Variants in ZCWPW1 observed in about 807,000 individuals in gnomAD.
The protein encoded by ZCWPW1 is zinc finger CW-type PWWP domain protein 1.
A neutral mutation model predicts 81.3 loss-of-function variants in ZCWPW1; 56 were observed. That is an observed-to-expected ratio of 0.69 (90% CI 0.56 to 0.86). The LOEUF is 0.86. Ranked by LOEUF, ZCWPW1 falls within the 40% of genes least tolerant of loss-of-function variation. The pLI is 0.00. For missense variants in ZCWPW1, 650 were observed against 769.8 expected, an observed-to-expected ratio of 0.84 and a Z score of 1.84; for synonymous variants, 250 against 273.7, an observed-to-expected ratio of 0.91 and a Z score of 0.86.
intron 2 of ZCWPW1, among the ~76,000 whole-genome samples, chr7:100,424,386 A>T (rs1350140828): frequency 2.0e-5 from 3 of 152,168 alleles, no homozygotes; most frequent in Non-Finnish European, 2.9e-5. Flanking sequence ...GAGTGAAAGG[A>T]AGCTTTTGGT....
intron 8 of ZCWPW1, among the ~76,000 whole-genome samples, chr7:100,412,706 C>T (rs778781950): frequency 6.0e-4 from 91 of 152,030 alleles, no homozygotes; most frequent in Non-Finnish European, 7.6e-4. Context: ...CTCAGCCTCC[C>T]GAATAGCTGG....
At chr7:100,423,056 C>T (rs1286105074) in intron 2 of ZCWPW1, among the ~76,000 whole-genome samples, 2 of 152,076 alleles carry the variant, frequency 1.3e-5, no homozygotes, top group African/African-American at 2.4e-5. Flanking sequence ...CTTTTATAAC[C>T]ATTATAAAAA....
Position 100,402,568 on chromosome 7 carries a change from A to C in ZCWPW1, c.1422T>G (p.Ile474Met). The C allele has an allele frequency of 3.1e-6, 5 of 1,614,066 alleles. No homozygotes were observed. Among genetic ancestry groups the C allele is most frequent in the Non-Finnish European group, 4.2e-6 (5 of 1,179,994 alleles). Residue 474 changes from isoleucine to methionine, a missense_variant, in exon 16 of 18, where the codon ATT becomes ATG. Coordinates refer to ENST00000684423, the MANE Select transcript of ZCWPW1 (RefSeq NM_001386010.1). ...TTTTGACTCGCTTACGAATGGGCAAAATTGGGTCCTGAGGATGGGAGAGAA... is the reference window on the plus strand; with the variant it reads ...TTTTGACTCGCTTACGAATGGGCAACATTGGGTCCTGAGGATGGGAGAGAA... ...EKEEGEKTDP[I>M]LPIRKRVKIQ... is the part of the protein sequence containing the mutation.
intron 10 of ZCWPW1, 23 bp downstream of exon 10, chr7:100,408,516 C>T: frequency 6.2e-7 from 1 of 1,607,686 alleles, no homozygotes; most frequent in Non-Finnish European, 8.5e-7. Context: ...GAAGGATGCT[C>T]TGACTGTGTC....
At chr7:100,406,573 G>T in intron 12 of ZCWPW1, 121 bp downstream of exon 12, 1 of 915,452 alleles carries the variant, frequency 1.1e-6, no homozygotes, top group Non-Finnish European at 1.7e-6. Flanking sequence ...CCTCACCCTT[G>T]GCACACCTGG....
chr7:100,407,604 A>G (rs1793309629), intron 10 of ZCWPW1, among the ~76,000 whole-genome samples: 2 of 152,018 alleles, frequency 1.3e-5, no homozygotes, highest in Admixed American at 1.3e-4. Context: ...TATAGCCAGG[A>G]CTGATCTCAA....
intron 2 of ZCWPW1, among the ~76,000 whole-genome samples, chr7:100,422,864 A>G (rs549842223): frequency 6.6e-6 from 1 of 152,358 alleles, no homozygotes; most frequent in Non-Finnish European, 1.5e-5. Flanking sequence ...TAATTCACTT[A>G]GGATAACGGC....
At chr7:100,403,547 G>A in intron 15 of ZCWPW1, 147 bp downstream of exon 15, 1 of 485,658 alleles carries the variant, frequency 2.1e-6, no homozygotes, top group Non-Finnish European at 3.5e-6. Context: ...ATGTTGGCCA[G>A]GTGTGGTGGC....
At chr7:100,418,132 G>A (rs886211157) in intron 5 of ZCWPW1, among the ~76,000 whole-genome samples, 1 of 151,990 alleles carries the variant, frequency 6.6e-6, no homozygotes, top group Non-Finnish European at 1.5e-5. Context: ...TGATCCACCC[G>A]CCTTGGCCTC....
At position 100,408,545 on chromosome 7, in the gene ZCWPW1, TA is replaced by T; in HGVS notation, c.985del (p.Tyr329ThrfsTer7). 6.2e-7 allele frequency: 1 copy of T among 1,613,590 alleles called. No homozygotes were observed. Among genetic ancestry groups the T allele is most frequent in the African/African-American group, 1.3e-5 (1 of 74,990 alleles). The stretch of plus-strand genomic sequence containing the variant: ...CTGTGTCATAATGCCCTACCAGGGG[TA>T]ACCGTATTGCTTGGCCCAGATGATG... The part of the protein sequence containing the change: ...GSIIWAKQYG[Y>X]PWWPGMIESD... On this transcript the variant is annotated frameshift_variant, in exon 10 of 18. Transcript: ENST00000684423. LOFTEE classifies it high-confidence loss of function.
chr7:100,416,977 G>C, intron 6 of ZCWPW1, 89 bp downstream of exon 6: 1 of 795,164 alleles, frequency 1.3e-6, no homozygotes, highest in Non-Finnish European at 2.1e-6. Context: ...TATGATAAAT[G>C]ACCAGATAGA....
At chr7:100,423,922 T>G (rs915062933) in intron 2 of ZCWPW1, among the ~76,000 whole-genome samples, 2 of 151,826 alleles carry the variant, frequency 1.3e-5, no homozygotes, top group African/African-American at 2.4e-5. Context: ...TACAAAAAAT[T>G]AGCCGGGCGT....
In ZCWPW1 at chr7:100,419,556, T is replaced by A. The variant is rs947897853; in HGVS notation, c.282+74A>T. On this transcript the variant is annotated intron_variant, in intron 4 of 17. Coordinates refer to ENST00000684423, the MANE Select transcript of ZCWPW1 (RefSeq NM_001386010.1). The stretch of plus-strand genomic sequence containing the variant: ...GTGAATTTCCCCAGTGTGAAAAGAC[T>A]CTGTTTGTCTAGCCTGAGCCAGGGG... The A allele has an allele frequency of 7.2e-6, 11 of 1,521,052 alleles. No individual in the cohort carries two copies. In the African/African-American group the frequency reaches 1.1e-4, roughly 15 times the overall value. The allele number at this position is 1,521,052 out of a possible 1,614,324, so 94.2% of individuals were successfully genotyped here. A position where few individuals can be genotyped will look rare whatever the true frequency, so the allele number is the denominator to read the frequency against.
chr7:100,426,440 C>T lies in ZCWPW1; in HGVS notation c.-136-1304G>A, dbSNP rs1797348109. On this transcript the variant is annotated intron_variant, in intron 1 of 17. Transcript: ENST00000684423. Reference sequence around the variant, plus strand: ...CCAGGAGGTGGAGGTTGCAGTGAGCCAAGACCGTGCTACTGCACTCCAGCC... The same window carrying T: ...CCAGGAGGTGGAGGTTGCAGTGAGCTAAGACCGTGCTACTGCACTCCAGCC... Among the ~76,000 whole-genome samples the T allele has an allele frequency of 2.2e-5, 3 of 139,116 alleles. 1 individual carries two copies. The South Asian group carries it at 6.6e-4, about 31-fold the overall frequency. The allele number at this position is 139,116 out of a possible 152,430, so 91.3% of individuals were successfully genotyped here. A position where few individuals can be genotyped will look rare whatever the true frequency, so the allele number is the denominator to read the frequency against.
At chr7:100,424,498 T>TC (rs1473347509) in intron 2 of ZCWPW1, among the ~76,000 whole-genome samples, 1 of 152,126 alleles carries the variant, frequency 6.6e-6, no homozygotes, top group Admixed American at 6.6e-5. Context: ...AGTCTTGCTC[T>TC]ATCACCAGGC....
intron 12 of ZCWPW1, 147 bp from the exon 13 acceptor site, chr7:100,405,240 C>G: frequency 1.6e-6 from 1 of 623,572 alleles, no homozygotes; most frequent in Non-Finnish European, 2.8e-6. Flanking sequence ...CCAGCCTGGC[C>G]AAGATGGTGA....
intron 11 of ZCWPW1, 81 bp from the exon 12 acceptor site, chr7:100,406,879 G>A: frequency 7.8e-7 from 1 of 1,287,624 alleles, no homozygotes; most frequent in Non-Finnish European, 1.1e-6. Context: ...TCGGGAGAAT[G>A]GGAATTCACC....
chr7:100,413,217 C>G (rs980361897), intron 8 of ZCWPW1, among the ~76,000 whole-genome samples: 1 of 152,198 alleles, frequency 6.6e-6, no homozygotes, highest in African/African-American at 2.4e-5. Context: ...GTGGATTCCC[C>G]CTGCACTTAG....
intron 8 of ZCWPW1, among the ~76,000 whole-genome samples, chr7:100,414,973 G>C (rs1344873314): frequency 6.6e-6 from 1 of 151,056 alleles, no homozygotes; most frequent in Non-Finnish European, 1.5e-5. Context: ...TGCAGTGAGT[G>C]GAGATCGCGC....
Sources: gnomAD v4.1 joint callset for allele counts (sites outside exome capture counted in the v4.1 genomes callset) on GRCh38, gnomAD v4.1.1 for gene constraint, MANE v1.5 for transcripts, NCBI Gene and HGNC (gene_info 2026-07-23, HGNC 2026-07-21) for gene names.